The following PRLR variants were observed in gnomAD, a reference collection of about 807,000 sequenced individuals.
The protein encoded by PRLR is hPRL receptor.
PRLR carries 13 observed loss-of-function variants against 40.2 expected under a neutral mutation model. That is an observed-to-expected ratio of 0.32 (90% CI 0.21 to 0.51). PRLR has a LOEUF of 0.51. Among genes scored for constraint, PRLR ranks in the 20% least tolerant of loss-of-function variants. The pLI is 0.97. For missense variants in PRLR, 656 were observed against 747.3 expected, an observed-to-expected ratio of 0.88 and a Z score of 1.42; for synonymous variants, 269 against 278.7, an observed-to-expected ratio of 0.97 and a Z score of 0.35.
chr5:35,067,220 G>A (rs1369253110), intron 9 of PRLR, among the ~76,000 whole-genome samples: 1 of 152,002 alleles, frequency 6.6e-6, no homozygotes, highest in Non-Finnish European at 1.5e-5. Context: ...CATCTGGGAG[G>A]GTTCTTTTGA....
intron 1 of PRLR, among the ~76,000 whole-genome samples, chr5:35,225,912 G>A (rs1220411144): frequency 6.6e-6 from 1 of 152,250 alleles, no homozygotes; most frequent in East Asian, 1.9e-4. Context: ...GAATTCCTGA[G>A]CTCAGGCAAT....
At chr5:35,142,689 G>C (rs1475008354) in intron 1 of PRLR, among the ~76,000 whole-genome samples, 1 of 152,202 alleles carries the variant, frequency 6.6e-6, no homozygotes, top group African/African-American at 2.4e-5. Context: ...GTGCAAGATG[G>C]TGCACGATGC....
intron 4 of PRLR, 118 bp from the exon 5 acceptor site, chr5:35,084,757 G>C: frequency 3.2e-6 from 3 of 932,166 alleles, no homozygotes; most frequent in Non-Finnish European, 4.7e-6. Flanking sequence ...GCAAAACCCA[G>C]AGCTGACAAA....
intron 2 of PRLR, among the ~76,000 whole-genome samples, chr5:35,101,110 C>T (rs989342060): frequency 1.3e-5 from 2 of 152,202 alleles, no homozygotes; most frequent in African/African-American, 2.4e-5. Context: ...CTGCCATTGT[C>T]CCGTCTGGAA....
chr5:35,053,390 C>T (rs1378280219), downstream of PRLR, among the ~76,000 whole-genome samples: 16 of 152,176 alleles, frequency 1.1e-4, no homozygotes, highest in Admixed American at 7.2e-4. Context: ...TGGTGGCTCA[C>T]GCCTGTAATC....
chr5:35,068,170 T>A (rs539259613), intron 9 of PRLR, 46 bp downstream of exon 9: 1 of 1,500,970 alleles, frequency 6.7e-7, no homozygotes, highest in Non-Finnish European at 9.3e-7. Flanking sequence ...AGTTAATTAC[T>A]ACAGAGCAGT....
intron 1 of PRLR, among the ~76,000 whole-genome samples, chr5:35,223,544 C>T (rs534305346): frequency 6.6e-6 from 1 of 152,308 alleles, no homozygotes. Flanking sequence ...ACTGCCACAC[C>T]ACTGTGCATT....
rs1405460849 is a variant in PRLR at position 35,057,457 on chromosome 5, A to G, written c.*7632T>C. 1 of 152,222 alleles carries G rather than the reference A, an allele frequency of 6.6e-6. No individual in the cohort carries two copies. The highest frequency in any genetic ancestry group is 2.4e-5 in the African/African-American group (1 of 41,462). 9.4% of individuals were successfully genotyped at this position (152,222 alleles called of 1,614,324 possible). On this transcript the variant is annotated 3_prime_UTR_variant, in exon 10 of 10. Coordinates refer to ENST00000618457, the MANE Select transcript of PRLR (RefSeq NM_000949.7). ...CCAGGCACTGAGCTGGGTATTTTCA[A>G]TAATGATGTGAATAGAAATATAACT... is the stretch of plus-strand genomic sequence containing the variant.
chr5:35,106,764 C>T (rs1370794682), intron 2 of PRLR, among the ~76,000 whole-genome samples: 1 of 152,138 alleles, frequency 6.6e-6, no homozygotes, highest in Non-Finnish European at 1.5e-5. Flanking sequence ...TATACTCCCA[C>T]ATAATAATAA....
At chr5:35,184,534 A>G (rs1182905752) in intron 1 of PRLR, among the ~76,000 whole-genome samples, 1 of 152,140 alleles carries the variant, frequency 6.6e-6, no homozygotes, top group Non-Finnish European at 1.5e-5. Context: ...AAAAGAAAGA[A>G]ACAAACAAAA....
chr5:35,070,344 T>A, intron 6 of PRLR, 79 bp from the exon 7 acceptor site: 1 of 1,472,754 alleles, frequency 6.8e-7, no homozygotes, highest in Non-Finnish European at 9.4e-7. Context: ...AAAAATAAAC[T>A]AAGTTAGGCT....
chr5:35,164,267 G>A (rs1774758069), intron 1 of PRLR, among the ~76,000 whole-genome samples: 1 of 152,066 alleles, frequency 6.6e-6, no homozygotes, highest in Non-Finnish European at 1.5e-5. Flanking sequence ...ATCTAGTGGA[G>A]GACACAGGCA....
chr5:35,193,270 C>T (rs1489941243), intron 1 of PRLR, among the ~76,000 whole-genome samples: 3 of 152,160 alleles, frequency 2.0e-5, no homozygotes, highest in African/African-American at 7.2e-5. Flanking sequence ...GAAAAATAGC[C>T]TTTGAGCAAA....
intron 3 of PRLR, 128 bp from the exon 4 acceptor site, chr5:35,086,468 G>GTGGA: frequency 1.7e-6 from 2 of 1,178,112 alleles, no homozygotes; most frequent in Non-Finnish European, 2.4e-6. Context: ...GAGACCTAGG[G>GTGGA]TGGATGCTCA....
At chr5:35,128,477 T>C (rs1029879372) in intron 1 of PRLR, among the ~76,000 whole-genome samples, 2 of 151,910 alleles carry the variant, frequency 1.3e-5, no homozygotes, top group Non-Finnish European at 2.9e-5. Flanking sequence ...TTTGTTACAC[T>C]ATATTGTTTT....
At chr5:35,209,348 A>C (rs975136620) in intron 1 of PRLR, among the ~76,000 whole-genome samples, 4 of 152,180 alleles carry the variant, frequency 2.6e-5, no homozygotes, top group Non-Finnish European at 5.9e-5. Flanking sequence ...CATCTCTTTA[A>C]TGTACCAAAT....
chr5:35,122,325 C>T (rs757104789), intron 1 of PRLR, among the ~76,000 whole-genome samples: 24 of 152,110 alleles, frequency 1.6e-4, no homozygotes, highest in South Asian at 2.1e-4. Flanking sequence ...TGGTGGTTTG[C>T]GCACAGATCA....
chr5:35,165,127 A>G (rs1045688228), intron 1 of PRLR, among the ~76,000 whole-genome samples: 2 of 152,238 alleles, frequency 1.3e-5, no homozygotes. Flanking sequence ...AGACTCAAGG[A>G]GAATTCTGCT....
chr5:35,216,861 A>T (rs1445900248), intron 1 of PRLR, among the ~76,000 whole-genome samples: 1 of 152,228 alleles, frequency 6.6e-6, no homozygotes, highest in Non-Finnish European at 1.5e-5. Flanking sequence ...GGCAGGGTAA[A>T]CAAAGGAGAA....
Sources: gnomAD v4.1 joint callset for allele counts (sites outside exome capture counted in the v4.1 genomes callset) on GRCh38, gnomAD v4.1.1 for gene constraint, MANE v1.5 for transcripts, NCBI Gene and HGNC (gene_info 2026-07-23, HGNC 2026-07-21) for gene names.